The following VWC2 variants were observed in gnomAD, a reference collection of about 807,000 sequenced individuals.
VWC2 encodes the protein von Willebrand factor C domain containing 2, also known as brorin.
A neutral mutation model predicts 29.8 loss-of-function variants in VWC2; 14 were observed. The ratio of observed to expected loss-of-function variants is 0.47; its 90% confidence interval spans 0.31 to 0.74. The LOEUF is 0.74. Ranked by LOEUF, VWC2 falls within the 30% of genes least tolerant of loss-of-function variation. The pLI is 0.05. For missense variants in VWC2, 457 were observed against 459.8 expected, an observed-to-expected ratio of 0.99 and a Z score of 0.05; for synonymous variants, 213 against 199.0, an observed-to-expected ratio of 1.07 and a Z score of -0.59.
At chr7:49,787,216 T>C (rs1051163525) in intron 2 of VWC2, among the ~76,000 whole-genome samples, 7 of 152,232 alleles carry the variant, frequency 4.6e-5, no homozygotes, top group African/African-American at 1.7e-4. Context: ...CTTAGGGCAA[T>C]AGGCCAATCA....
rs540382236 is a variant in VWC2 at position 49,819,254 on chromosome 7, T to C, written c.826+16414T>C. On this transcript the variant is annotated intron_variant, in intron 3 of 3. Coordinates refer to ENST00000340652, the MANE Select transcript of VWC2 (RefSeq NM_198570.5). The stretch of plus-strand genomic sequence containing the variant: ...ACCCCTTCTCGAACAAATGGAACTC[T>C]ACAGGAGTTCAAGGGTGGAGACAAA... 5.3e-5 allele frequency among the ~76,000 whole-genome samples: 8 copies of C among 152,356 alleles called. No individual in the cohort carries two copies. In the South Asian group the frequency reaches 1.4e-3, roughly 28 times the overall value.
At chr7:49,847,597 G>C (rs544676041) in intron 3 of VWC2, among the ~76,000 whole-genome samples, 23 of 152,196 alleles carry the variant, frequency 1.5e-4, no homozygotes, top group Admixed American at 1.1e-3. Context: ...CCCAAGAGAA[G>C]AGGGTGTTCT....
chr7:49,809,922 A>C (rs540029200), intron 3 of VWC2, among the ~76,000 whole-genome samples: 26 of 152,022 alleles, frequency 1.7e-4, no homozygotes, highest in Non-Finnish European at 3.4e-4. Flanking sequence ...GCTATTATGA[A>C]TACTCTCTCA....
intron 3 of VWC2, among the ~76,000 whole-genome samples, chr7:49,899,198 C>G (rs1174267398): frequency 6.6e-6 from 1 of 151,950 alleles, no homozygotes; most frequent in Non-Finnish European, 1.5e-5. Context: ...CCTATACATA[C>G]TATGTTTTTC....
chr7:49,821,459 C>T (rs988105120), intron 3 of VWC2, among the ~76,000 whole-genome samples: 3 of 152,214 alleles, frequency 2.0e-5, no homozygotes, highest in South Asian at 2.1e-4. Context: ...CCTAGATTAA[C>T]ATGACTCATT....
intron 2 of VWC2, among the ~76,000 whole-genome samples, chr7:49,798,285 C>T (rs1407087668): frequency 6.6e-6 from 1 of 152,232 alleles, no homozygotes; most frequent in Non-Finnish European, 1.5e-5. Context: ...CACTCCTAGA[C>T]ATTTGGGTCA....
intron 3 of VWC2, among the ~76,000 whole-genome samples, chr7:49,908,709 TG>T (rs1479982812): frequency 6.6e-6 from 1 of 151,992 alleles, no homozygotes; most frequent in Non-Finnish European, 1.5e-5. Context: ...ATTACAGATA[TG>T]GGCAAGATCA....
chr7:49,858,710 A>AT (rs1442545858), intron 3 of VWC2, among the ~76,000 whole-genome samples: 6 of 135,656 alleles, frequency 4.4e-5, no homozygotes, highest in Admixed American at 2.1e-4. Context: ...AATAATAATA[A>AT]AAAAAAGAAA....
At chr7:49,826,972 T>G (rs1789408182) in intron 3 of VWC2, among the ~76,000 whole-genome samples, 1 of 151,996 alleles carries the variant, frequency 6.6e-6, no homozygotes, top group African/African-American at 2.4e-5. Flanking sequence ...GCATGTTCAG[T>G]ATTCCAAGTC....
At chr7:49,823,575 A>T (rs1430589076) in intron 3 of VWC2, among the ~76,000 whole-genome samples, 1 of 152,194 alleles carries the variant, frequency 6.6e-6, no homozygotes, top group Non-Finnish European at 1.5e-5. Flanking sequence ...CTGGGCCGTA[A>T]ATATCCTGGG....
chr7:49,886,357 T>C (rs1483661437), intron 3 of VWC2, among the ~76,000 whole-genome samples: 3 of 152,210 alleles, frequency 2.0e-5, no homozygotes, highest in Non-Finnish European at 4.4e-5. Context: ...ATATTAAGCT[T>C]CCTGTAGCTT....
intron 3 of VWC2, among the ~76,000 whole-genome samples, chr7:49,868,300 GA>G (rs1419349670): frequency 3.3e-5 from 5 of 152,090 alleles, no homozygotes; most frequent in African/African-American, 1.2e-4. Flanking sequence ...TTTTAAAGCC[GA>G]GACTTGTTTT....
intron 2 of VWC2, among the ~76,000 whole-genome samples, chr7:49,796,019 G>A (rs1777515561): frequency 6.6e-6 from 1 of 152,138 alleles, no homozygotes; most frequent in East Asian, 1.9e-4. Flanking sequence ...CCCCTATCTG[G>A]GAAGGGGGCA....
At chr7:49,907,760 T>C (rs564997821) in intron 3 of VWC2, among the ~76,000 whole-genome samples, 14 of 152,320 alleles carry the variant, frequency 9.2e-5, no homozygotes, top group Admixed American at 4.6e-4. Flanking sequence ...TTCCTGGTCA[T>C]AGGTGTATTC....
At chr7:49,781,497 G>T (rs945508259) in intron 2 of VWC2, among the ~76,000 whole-genome samples, 23 of 152,186 alleles carry the variant, frequency 1.5e-4, no homozygotes, top group African/African-American at 5.3e-4. Context: ...TGAGTTGGTG[G>T]TATTTTCTTT....
chr7:49,788,216 C>A (rs1415519359), intron 2 of VWC2, among the ~76,000 whole-genome samples: 1 of 152,172 alleles, frequency 6.6e-6, no homozygotes. Flanking sequence ...GTTGAAGGAG[C>A]TTTAACAAGA....
chr7:49,892,412 C>T (rs958835871), intron 3 of VWC2, among the ~76,000 whole-genome samples: 3 of 152,132 alleles, frequency 2.0e-5, no homozygotes, highest in African/African-American at 7.2e-5. Flanking sequence ...GCTACTTCGA[C>T]AATGTGAATA....
At chr7:49,825,203 T>C (rs1201003569) in intron 3 of VWC2, among the ~76,000 whole-genome samples, 1 of 152,220 alleles carries the variant, frequency 6.6e-6, no homozygotes, top group South Asian at 2.1e-4. Context: ...CATAAAATCA[T>C]TTTTATAGTT....
chr7:49,789,163 A>G (rs1173343700), intron 2 of VWC2, among the ~76,000 whole-genome samples: 1 of 124,328 alleles, frequency 8.0e-6, no homozygotes, highest in Non-Finnish European at 1.7e-5. Flanking sequence ...GTGTGGCTGT[A>G]TGTGTGTGTT....
Sources: allele counts gnomAD v4.1 joint callset (sites outside exome capture counted in the v4.1 genomes callset), GRCh38; gene constraint gnomAD v4.1.1; transcripts MANE v1.5; gene names NCBI Gene and HGNC (gene_info 2026-07-23, HGNC 2026-07-21).